NRXN3: variants seen among roughly 807,000 people sequenced by gnomAD.
The protein encoded by NRXN3 is neurexin III.
In NRXN3, 32 loss-of-function variants were observed where a neutral mutation model predicts 137.6. That is an observed-to-expected ratio of 0.23 (90% CI 0.18 to 0.31). The LOEUF (loss-of-function observed/expected upper bound fraction) is 0.31. Among genes scored for constraint, NRXN3 ranks in the 10% least tolerant of loss-of-function variants. NRXN3 has a pLI of 1.00. For missense variants in NRXN3, 1,574 were observed against 2,062.5 expected (o/e 0.76, Z 4.59); for synonymous variants, 798 against 784.5 (o/e 1.02, Z -0.29).
chr14:79,080,874 G>A (rs1246148775), intron 15 of NRXN3, among the ~76,000 whole-genome samples: 1 of 152,094 alleles, frequency 6.6e-6, no homozygotes, highest in African/African-American at 2.4e-5. Context: ...TGAAGATTTA[G>A]TGGTCCAAAC....
intron 15 of NRXN3, among the ~76,000 whole-genome samples, chr14:79,019,932 T>C (rs2099585884): frequency 1.3e-5 from 2 of 152,018 alleles, no homozygotes; most frequent in South Asian, 4.2e-4. Flanking sequence ...GACTTGGTTA[T>C]GTGTCTGGTA....
At chr14:79,707,816 C>A (rs2098787062) in intron 19 of NRXN3, among the ~76,000 whole-genome samples, 1 of 151,450 alleles carries the variant, frequency 6.6e-6, no homozygotes, top group South Asian at 2.1e-4. Flanking sequence ...ATGTAGGAAA[C>A]AATGAATTAG....
intron 4 of NRXN3, among the ~76,000 whole-genome samples, chr14:78,458,290 A>T (rs1051660996): frequency 1.3e-5 from 2 of 152,200 alleles, no homozygotes; most frequent in Non-Finnish European, 2.9e-5. Flanking sequence ...GAAATGTGAG[A>T]TATTCACAGA....
intron 15 of NRXN3, among the ~76,000 whole-genome samples, chr14:79,115,409 T>C (rs1163445082): frequency 2.0e-5 from 3 of 152,158 alleles, no homozygotes; most frequent in Admixed American, 1.3e-4. Context: ...ATGGTAATTA[T>C]TTGATAAGGT....
At chr14:79,741,204 A>G (rs989922292) in intron 19 of NRXN3, among the ~76,000 whole-genome samples, 1 of 152,158 alleles carries the variant, frequency 6.6e-6, no homozygotes, top group Non-Finnish European at 1.5e-5. Context: ...AGTTTACTAC[A>G]TGGTGAAATA....
At chr14:78,182,929 T>C (rs1026699816) in intron 1 of NRXN3, among the ~76,000 whole-genome samples, 1 of 152,196 alleles carries the variant, frequency 6.6e-6, no homozygotes, top group Admixed American at 6.5e-5. Flanking sequence ...CCAGGGCCTC[T>C]TGTCTCTGGG....
chr14:78,259,192 T>C (rs969566433), intron 2 of NRXN3, among the ~76,000 whole-genome samples: 16 of 151,620 alleles, frequency 1.1e-4, no homozygotes, highest in Non-Finnish European at 2.1e-4. Context: ...TTAAGTCTCA[T>C]ATGCGGTGAT....
chr14:79,374,215 A>G (rs765840315), intron 15 of NRXN3, among the ~76,000 whole-genome samples: 19 of 152,300 alleles, frequency 1.2e-4, no homozygotes, highest in Admixed American at 5.9e-4. Flanking sequence ...ACTATCAACT[A>G]AAAATTAACT....
intron 16 of NRXN3, among the ~76,000 whole-genome samples, chr14:79,567,357 A>T (rs1308589995): frequency 6.6e-6 from 1 of 152,066 alleles, no homozygotes; most frequent in Non-Finnish European, 1.5e-5. Flanking sequence ...ACCTCCGGAC[A>T]CAAGACCAGA....
chr14:79,143,598 C>T (rs900994764), intron 15 of NRXN3, among the ~76,000 whole-genome samples: 1 of 152,178 alleles, frequency 6.6e-6, no homozygotes, highest in East Asian at 1.9e-4. Flanking sequence ...TTCCCCATGA[C>T]AGAAGGTAGA....
At chr14:78,502,790 A>T (rs12586887) in intron 4 of NRXN3, among the ~76,000 whole-genome samples, 1 of 151,946 alleles carries the variant, frequency 6.6e-6, no homozygotes, top group East Asian at 1.9e-4. Context: ...GGAAATTTCA[A>T]AGTGCTCAAA....
chr14:78,793,698 G>A (rs978770984), intron 8 of NRXN3, among the ~76,000 whole-genome samples: 1 of 152,122 alleles, frequency 6.6e-6, no homozygotes, highest in East Asian at 1.9e-4. Flanking sequence ...ATAGGCATAC[G>A]ATGCTTACAT....
At chr14:78,924,785 T>C (rs753922752) in intron 10 of NRXN3, among the ~76,000 whole-genome samples, 9 of 152,192 alleles carry the variant, frequency 5.9e-5, no homozygotes, top group Non-Finnish European at 7.3e-5. Flanking sequence ...GAAATAACTC[T>C]TGTTAAAATC....
intron 20 of NRXN3, among the ~76,000 whole-genome samples, chr14:79,856,046 C>T (rs1192264493): frequency 2.0e-5 from 3 of 152,118 alleles, no homozygotes; most frequent in Non-Finnish European, 2.9e-5. Flanking sequence ...GGCTGTGGCT[C>T]ATCTTATTGT....
intron 15 of NRXN3, among the ~76,000 whole-genome samples, chr14:79,125,517 T>C (rs1261492227): frequency 6.6e-6 from 1 of 152,138 alleles, no homozygotes; most frequent in African/African-American, 2.4e-5. Flanking sequence ...CCCTTCATGA[T>C]TTTTGTGCAT....
At chr14:78,988,192 T>A in intron 15 of NRXN3, 51 bp downstream of exon 15, 1 of 1,607,330 alleles carries the variant, frequency 6.2e-7, no homozygotes, top group Non-Finnish European at 8.5e-7. Flanking sequence ...GTTTGGAGAT[T>A]TGGAGAATCT....
intron 1 of NRXN3, among the ~76,000 whole-genome samples, chr14:78,175,712 G>C (rs2059197956): frequency 6.6e-6 from 1 of 152,148 alleles, no homozygotes; most frequent in Non-Finnish European, 1.5e-5. Context: ...TGAGCTCGGG[G>C]CAGGGACTAT....
At chr14:79,089,668 G>A (rs2048792927) in intron 15 of NRXN3, among the ~76,000 whole-genome samples, 1 of 112,130 alleles carries the variant, frequency 8.9e-6, no homozygotes, top group Admixed American at 1.1e-4. Context: ...TATATGGCAA[G>A]ATGTTACTAA....
intron 15 of NRXN3, among the ~76,000 whole-genome samples, chr14:79,053,871 G>A (rs1301378074): frequency 6.6e-6 from 1 of 152,054 alleles, no homozygotes; most frequent in East Asian, 1.9e-4. Context: ...AGTCTTCTAT[G>A]CCACATTGGG....
Sources: allele counts gnomAD v4.1 joint callset (sites outside exome capture counted in the v4.1 genomes callset), GRCh38; gene constraint gnomAD v4.1.1; transcripts MANE v1.5; gene names NCBI Gene and HGNC (gene_info 2026-07-23, HGNC 2026-07-21).